Variants in PALM2AKAP2 observed in about 807,000 individuals in gnomAD.
The protein encoded by PALM2AKAP2 is PALM2-AKAP2 fusion protein.
PALM2AKAP2 carries 37 observed loss-of-function variants against 71.5 expected under a neutral mutation model. The ratio of observed to expected loss-of-function variants is 0.52; its 90% CI spans 0.40 to 0.68. The LOEUF (loss-of-function observed/expected upper bound fraction) is 0.68. Among genes scored for constraint, PALM2AKAP2 ranks in the 30% least tolerant of loss-of-function variants. The probability of loss-of-function intolerance (pLI) is 0.00; values close to 1 mark genes in which losing one functional copy is unlikely to be tolerated. For synonymous variants in PALM2AKAP2, 468 were observed against 478.8 expected (o/e 0.98, Z 0.29); for missense variants, 1,224 against 1,191.8 (o/e 1.03, Z -0.40).
At chr9:110,099,540 G>A (rs1223526092) in intron 1 of PALM2AKAP2, among the ~76,000 whole-genome samples, 1 of 152,176 alleles carries the variant, frequency 6.6e-6, no homozygotes, top group Admixed American at 6.5e-5. Flanking sequence ...TGAACTTGAA[G>A]CACGTTTTCT....
At chr9:109,871,049 T>C (rs1168294442) in intron 2 of PALM2AKAP2, among the ~76,000 whole-genome samples, 5 of 152,224 alleles carry the variant, frequency 3.3e-5, no homozygotes, top group African/African-American at 1.2e-4. Context: ...GTGGCAATTA[T>C]CAGATAGCCT....
At chr9:109,709,346 A>G (rs749853918) in intron 1 of PALM2AKAP2, among the ~76,000 whole-genome samples, 5 of 152,144 alleles carry the variant, frequency 3.3e-5, no homozygotes, top group African/African-American at 4.8e-5. Flanking sequence ...CCTGCCTCCC[A>G]TGTGACTTTG....
At chr9:109,835,926 C>T (rs914174900) in intron 1 of PALM2AKAP2, among the ~76,000 whole-genome samples, 1 of 152,232 alleles carries the variant, frequency 6.6e-6, no homozygotes, top group African/African-American at 2.4e-5. Context: ...GGAGGCCTGC[C>T]TGCCTCAGTA....
chr9:110,081,285 A>T (rs950805147), intron 1 of PALM2AKAP2, among the ~76,000 whole-genome samples: 1 of 152,168 alleles, frequency 6.6e-6, no homozygotes, highest in Non-Finnish European at 1.5e-5. Context: ...ATCAAAAGAT[A>T]TTTTTTCTTA....
At chr9:109,818,099 C>T (rs752966436) in intron 1 of PALM2AKAP2, among the ~76,000 whole-genome samples, 3 of 152,094 alleles carry the variant, frequency 2.0e-5, no homozygotes, top group Non-Finnish European at 4.4e-5. Flanking sequence ...GTGTTCAACC[C>T]CGCACATATT....
At chr9:109,819,122 G>T (rs771596088) in intron 1 of PALM2AKAP2, among the ~76,000 whole-genome samples, 2 of 152,174 alleles carry the variant, frequency 1.3e-5, no homozygotes, top group Non-Finnish European at 2.9e-5. Flanking sequence ...TCCCCCACAG[G>T]TGAAAACTCC....
At chr9:109,692,506 T>C (rs1250482475) in intron 1 of PALM2AKAP2, among the ~76,000 whole-genome samples, 1 of 152,074 alleles carries the variant, frequency 6.6e-6, no homozygotes, top group Non-Finnish European at 1.5e-5. Context: ...CAAGCATATT[T>C]GCCTCATTCC....
At chr9:109,777,021 A>G (rs1829358349), upstream of PALM2AKAP2, among the ~76,000 whole-genome samples, 1 of 152,336 alleles carries the variant, frequency 6.6e-6, no homozygotes, top group South Asian at 2.1e-4. Flanking sequence ...ACAGGTCTTC[A>G]GGAGATTCTG....
chr9:110,059,191 C>T (rs1049476942), intron 1 of PALM2AKAP2, among the ~76,000 whole-genome samples: 9 of 152,084 alleles, frequency 5.9e-5, no homozygotes, highest in Admixed American at 2.0e-4. Flanking sequence ...TGAGCCACCG[C>T]GCCCAGCCGA....
At chr9:109,951,218 A>C (rs560442059) in intron 6 of PALM2AKAP2, among the ~76,000 whole-genome samples, 4 of 136,772 alleles carry the variant, frequency 2.9e-5, no homozygotes, top group African/African-American at 1.1e-4. Flanking sequence ...TGTCTCTGTA[A>C]ATACTTTCAT....
At chr9:109,700,554 CTT>C (rs1828038000) in intron 1 of PALM2AKAP2, among the ~76,000 whole-genome samples, 1 of 152,190 alleles carries the variant, frequency 6.6e-6, no homozygotes, top group African/African-American at 2.4e-5. Flanking sequence ...TGCTCAAACT[CTT>C]TAATGATTTC....
chr9:109,652,983 TA>T (rs1241846983), intron 1 of PALM2AKAP2, among the ~76,000 whole-genome samples: 33 of 152,186 alleles, frequency 2.2e-4, no homozygotes, highest in Admixed American at 1.3e-4. Flanking sequence ...TAATTTAGCA[TA>T]AAAAAATCTT....
At chr9:110,064,507 T>C (rs1369196212) in intron 1 of PALM2AKAP2, among the ~76,000 whole-genome samples, 2 of 152,172 alleles carry the variant, frequency 1.3e-5, no homozygotes, top group African/African-American at 4.8e-5. Context: ...ATTGGAAGGC[T>C]GAGATGCGAA....
At chr9:109,788,676 T>TATGCCCAG (rs1827029269) in intron 1 of PALM2AKAP2, among the ~76,000 whole-genome samples, 2 of 152,242 alleles carry the variant, frequency 1.3e-5, no homozygotes, top group Admixed American at 1.3e-4. Context: ...CCCATTGTGA[T>TATGCCCAG]ATGCCCAGGA....
rs748131964 is a variant in PALM2AKAP2, at chr9:110,129,627, A to C, written c.157-6500A>C. ...TGCATGTACTGTGAAATGATAAGCT[A>C]TTAGACATGTGTCAACCAGAAAATG... On this transcript the variant is annotated intron_variant, in intron 1 of 3. Coordinates refer to ENST00000374525, the Ensembl canonical transcript of PALM2AKAP2. Among the ~76,000 whole-genome samples the C allele has an allele frequency of 3.3e-5, 5 of 152,326 alleles. No homozygotes were observed. In the South Asian group the frequency reaches 6.2e-4, roughly 19 times the overall value.
chr9:110,099,618 AAT>A (rs1408230288), intron 1 of PALM2AKAP2, among the ~76,000 whole-genome samples: 2 of 152,168 alleles, frequency 1.3e-5, no homozygotes, highest in Non-Finnish European at 2.9e-5. Context: ...ACATTTAATG[AAT>A]AGGTTGCCCC....
At position 110,020,196 on chromosome 9, in the gene PALM2AKAP2, T is replaced by G. The variant is rs749387721; in HGVS notation, c.582+4157T>G. On this transcript the variant is annotated intron_variant, in intron 7 of 9. Coordinates refer to the PALM2AKAP2 transcript ENST00000302798. ...GCAGAAATTACAAAGATAGTTGGGT[T>G]TCTTCCATATTGCTCTTCTTGTGAT... Among the ~76,000 whole-genome samples, 17 of 152,382 alleles carry G rather than the reference T, an allele frequency of 1.1e-4. No individual in the cohort carries two copies. In the South Asian group the frequency reaches 1.2e-3, roughly 11 times the overall value.
chr9:109,953,942 G>A (rs1263616651), intron 6 of PALM2AKAP2, among the ~76,000 whole-genome samples: 1 of 151,946 alleles, frequency 6.6e-6, no homozygotes, highest in African/African-American at 2.4e-5. Context: ...AGACCCAATG[G>A]CACCAGTTCT....
chr9:109,928,728 G>GT (rs1831014779), intron 5 of PALM2AKAP2, among the ~76,000 whole-genome samples: 1 of 150,596 alleles, frequency 6.6e-6, no homozygotes, highest in African/African-American at 2.4e-5. Context: ...CTGGAGTGCA[G>GT]TGGCGTGGTC....
Sources: allele counts gnomAD v4.1 joint callset (sites outside exome capture counted in the v4.1 genomes callset), GRCh38; gene constraint gnomAD v4.1.1; transcripts MANE v1.5; gene names NCBI Gene and HGNC (gene_info 2026-07-23, HGNC 2026-07-21).